Variants in ROBO1 observed in about 807,000 individuals in gnomAD.
ROBO1 encodes roundabout guidance receptor 1.
Under a neutral mutation model 195.9 loss-of-function variants are expected in ROBO1, and 149 were observed. The ratio of observed to expected loss-of-function variants is 0.76; its 90% confidence interval spans 0.67 to 0.87. ROBO1 has a LOEUF of 0.87. ROBO1 is among the 40% of genes least tolerant of loss of function. The pLI is 0.00. For synonymous variants in ROBO1, 816 were observed against 733.2 expected (o/e 1.11, Z -1.82); for missense variants, 1,933 against 2,068.3 (o/e 0.93, Z 1.27).
chr3:79,414,520 T>C (rs2037917495), intron 2 of ROBO1, among the ~76,000 whole-genome samples: 1 of 152,140 alleles, frequency 6.6e-6, no homozygotes, highest in African/African-American at 2.4e-5. Context: ...ATTCATATGT[T>C]GTCCTTTGTT....
chr3:79,103,761 C>T (rs578246828), intron 3 of ROBO1, among the ~76,000 whole-genome samples: 2 of 151,700 alleles, frequency 1.3e-5, no homozygotes, highest in South Asian at 2.1e-4. Context: ...CATATATATG[C>T]TAATTGTTTA....
At chr3:79,521,332 G>C (rs566717665) in intron 2 of ROBO1, among the ~76,000 whole-genome samples, 1 of 152,154 alleles carries the variant, frequency 6.6e-6, no homozygotes, top group African/African-American at 2.4e-5. Context: ...AGGGGTTCCT[G>C]TTTAGGAAAC....
chr3:79,354,228 A>G (rs1201589445), intron 2 of ROBO1, among the ~76,000 whole-genome samples: 3 of 152,288 alleles, frequency 2.0e-5, no homozygotes, highest in African/African-American at 4.8e-5. Flanking sequence ...TCTCATCTAC[A>G]GTCAGACTTA....
intron 4 of ROBO1, among the ~76,000 whole-genome samples, chr3:78,830,958 G>T (rs1351645698): frequency 1.3e-5 from 2 of 152,020 alleles, no homozygotes; most frequent in African/African-American, 4.8e-5. Flanking sequence ...TGTCACCCAG[G>T]CTGGAGTGCA....
At chr3:79,623,033 A>G (rs937504745) in intron 1 of ROBO1, among the ~76,000 whole-genome samples, 1 of 151,898 alleles carries the variant, frequency 6.6e-6, no homozygotes, top group East Asian at 1.9e-4. Context: ...AATCAGATGA[A>G]TGGGGCCTGA....
rs138845930 is a variant in ROBO1 at position 78,778,909 on chromosome 3, C to T, written c.500-32009G>A. On this transcript the variant is annotated intron_variant, in intron 4 of 30. Coordinates refer to ENST00000464233, the MANE Select transcript of ROBO1 (RefSeq NM_002941.4). Reference sequence around the variant, plus strand: ...AAACAGCATGGTACTAGTACCAAAACAAATACCTAGACCACAGAACAGAGG... The same window carrying T: ...AAACAGCATGGTACTAGTACCAAAATAAATACCTAGACCACAGAACAGAGG... Among the ~76,000 whole-genome samples the T allele has an allele frequency of 3.7e-3, 558 of 152,146 alleles. 7 individuals are homozygous for T. Among genetic ancestry groups the T allele is most frequent in the Admixed American group, 5.5e-3 (84 of 15,266 alleles).
At position 78,706,100 on chromosome 3, in the gene ROBO1, G is replaced by T. The variant is rs148058532; in HGVS notation, c.1045+8297C>A. 1.9e-3 allele frequency among the ~76,000 whole-genome samples: 295 copies of T among 152,106 alleles called. 2 individuals carry two copies. The highest frequency in any genetic ancestry group is 6.8e-3 in the African/African-American group (281 of 41,510). The stretch of plus-strand genomic sequence containing the variant: ...TTCAGACATTGAAATCCCATTAAGG[G>T]CAGTAGTAGCATCCAGTGGGTAGGT... On this transcript the variant is annotated intron_variant, in intron 8 of 30. Transcript: ENST00000464233.
intron 5 of ROBO1, among the ~76,000 whole-genome samples, chr3:78,725,311 ATAAAGAATTT>A (rs2082136928): frequency 1.3e-5 from 2 of 152,210 alleles, no homozygotes; most frequent in African/African-American, 4.8e-5. Context: ...GGAAAAGAAG[ATAAAGAATTT>A]TAAAGTTTCA....
chr3:79,213,236 C>A (rs1276388580), intron 2 of ROBO1, among the ~76,000 whole-genome samples: 1 of 151,540 alleles, frequency 6.6e-6, no homozygotes, highest in Non-Finnish European at 1.5e-5. Flanking sequence ...CAGAGAGAGA[C>A]TCCGTCTTGG....
In ROBO1 at chr3:78,791,406, C is replaced by T. The variant is rs76367399; in HGVS notation, c.500-44506G>A. Among the ~76,000 whole-genome samples, 239 of 152,180 alleles carry T rather than the reference C, an allele frequency of 1.6e-3. 1 individual carries two copies. The highest frequency in any genetic ancestry group is 0.014 in the Middle Eastern group (4 of 294). On this transcript the variant is annotated intron_variant, in intron 4 of 30. Coordinates refer to ENST00000464233, the MANE Select transcript of ROBO1 (RefSeq NM_002941.4). ...TTCAAATAAAACAACAAAATCTTCT[C>T]TCTCATAATTTAAGCTGTGATACTG...
intron 1 of ROBO1, among the ~76,000 whole-genome samples, chr3:79,671,864 CAT>C (rs1317042368): frequency 6.6e-6 from 1 of 151,832 alleles, no homozygotes; most frequent in East Asian, 1.9e-4. Context: ...CTTTATTACT[CAT>C]AATGTATTCA....
At chr3:79,756,043 A>G (rs973975056) in intron 1 of ROBO1, among the ~76,000 whole-genome samples, 10 of 152,242 alleles carry the variant, frequency 6.6e-5, no homozygotes, top group Non-Finnish European at 1.2e-4. Context: ...CCAGAATCAC[A>G]ATATTCACTG....
chr3:78,965,912 G>C (rs1338901464), intron 3 of ROBO1, among the ~76,000 whole-genome samples: 1 of 152,154 alleles, frequency 6.6e-6, no homozygotes, highest in African/African-American at 2.4e-5. Flanking sequence ...TTGAATACTT[G>C]AAACTGAACT....
chr3:78,843,508 T>C (rs2033429219), intron 4 of ROBO1, among the ~76,000 whole-genome samples: 1 of 152,058 alleles, frequency 6.6e-6, no homozygotes, highest in Admixed American at 6.6e-5. Context: ...TGGTTATACT[T>C]GCAGAAAAAA....
At chr3:79,072,949 C>G (rs746241192) in intron 3 of ROBO1, among the ~76,000 whole-genome samples, 1 of 151,784 alleles carries the variant, frequency 6.6e-6, no homozygotes, top group Non-Finnish European at 1.5e-5. Flanking sequence ...TGTACTATAA[C>G]CAAATATGAT....
intron 2 of ROBO1, among the ~76,000 whole-genome samples, chr3:79,470,308 G>A (rs1399272763): frequency 6.6e-6 from 1 of 151,964 alleles, no homozygotes; most frequent in Admixed American, 6.6e-5. Context: ...ACTATCTCAA[G>A]GACAGAAAAC....
At chr3:78,682,368 TTA>T (rs1201595312) in intron 10 of ROBO1, among the ~76,000 whole-genome samples, 35 of 151,138 alleles carry the variant, frequency 2.3e-4, no homozygotes, top group Admixed American at 8.6e-4. Context: ...CTTTGTACAT[TTA>T]TGTCATGTAA....
chr3:78,619,636 G>C (rs1040367531), intron 26 of ROBO1, among the ~76,000 whole-genome samples: 7 of 151,912 alleles, frequency 4.6e-5, no homozygotes, highest in African/African-American at 1.7e-4. Flanking sequence ...TTTAAAAGCA[G>C]AACATGATCA....
intron 2 of ROBO1, among the ~76,000 whole-genome samples, chr3:79,179,161 C>A (rs576082677): frequency 6.6e-6 from 1 of 152,246 alleles, no homozygotes; most frequent in South Asian, 2.1e-4. Context: ...AGGCCCCATC[C>A]TCTTAGAAGC....
Sources: gnomAD v4.1 joint callset for allele counts (sites outside exome capture counted in the v4.1 genomes callset) on GRCh38, gnomAD v4.1.1 for gene constraint, MANE v1.5 for transcripts, NCBI Gene and HGNC (gene_info 2026-07-23, HGNC 2026-07-21) for gene names.